Variants in PWP1 observed in about 807,000 individuals in gnomAD.
PWP1 encodes PWP1 homolog, endonuclein, also known as periodic tryptophan protein 1 homolog.
Under a neutral mutation model 69.9 loss-of-function variants are expected in PWP1, and 47 were observed. That is an observed-to-expected ratio of 0.67 (90% CI 0.53 to 0.86). The LOEUF is 0.86. Among genes scored for constraint, PWP1 ranks in the 40% least tolerant of loss-of-function variants. The pLI is 0.00. For synonymous variants in PWP1, 222 were observed against 208.2 expected (o/e 1.07, Z -0.57); for missense variants, 551 against 608.8 (o/e 0.91, Z 1.00).
chr12:107,695,978 A>G lies in PWP1; in HGVS notation c.503-496A>G, dbSNP rs557584405. The stretch of plus-strand genomic sequence containing the variant: ...TTTCTCCTGTGGGGTATGCCACAAG[A>G]TGGCACTGTATTAGACATGCAGAAT... On this transcript the variant is annotated intron_variant, in intron 5 of 14. Transcript: ENST00000412830. Among the ~76,000 whole-genome samples the G allele has an allele frequency of 1.3e-4, 20 of 148,538 alleles. 1 individual carries two copies. The South Asian group carries it at 4.1e-3, about 31-fold the overall frequency.
chr12:107,706,312 A>G (rs988208745), intron 11 of PWP1, among the ~76,000 whole-genome samples: 8 of 152,304 alleles, frequency 5.3e-5, no homozygotes, highest in Non-Finnish European at 1.0e-4. Flanking sequence ...TCAGATGAGT[A>G]GATTGCAAAA....
intron 2 of PWP1, 50 bp downstream of exon 2, chr12:107,688,556 T>C (rs1322410515): frequency 3.1e-6 from 5 of 1,610,072 alleles, no homozygotes; most frequent in Non-Finnish European, 4.2e-6. Flanking sequence ...GATGACCATG[T>C]GGTCTTGTTA....
chr12:107,687,080 A>G (rs1410471746), intron 1 of PWP1, among the ~76,000 whole-genome samples: 1 of 152,074 alleles, frequency 6.6e-6, no homozygotes, highest in Non-Finnish European at 1.5e-5. Context: ...CCAAACAGTA[A>G]AAGGGGTTGA....
Position 107,693,801 on chromosome 12 carries a change from A to AT in PWP1, c.502+714dup, listed in dbSNP as rs200093965. ...ACTTGCCACCTTGGTTTTTTACTCA[A>AT]TTTTTTTTTCTGGCTACTTTTTCTT... On this transcript the variant is annotated intron_variant, in intron 5 of 14. Transcript: ENST00000412830. 1.5e-3 allele frequency among the ~76,000 whole-genome samples: 233 copies of AT among 151,508 alleles called. 1 individual carries two copies. Among genetic ancestry groups the AT allele is most frequent in the Middle Eastern group, 3.4e-3 (1 of 292 alleles).
At chr12:107,705,222 A>G (rs1208826425) in intron 11 of PWP1, among the ~76,000 whole-genome samples, 1 of 152,154 alleles carries the variant, frequency 6.6e-6, no homozygotes, top group East Asian at 1.9e-4. Flanking sequence ...AAGGAGGACA[A>G]TGATTTTCCA....
intron 11 of PWP1, among the ~76,000 whole-genome samples, chr12:107,707,198 G>A (rs1391597023): frequency 6.6e-6 from 1 of 152,120 alleles, no homozygotes; most frequent in Non-Finnish European, 1.5e-5. Context: ...TTGGCTGTTT[G>A]TCTATTATTG....
At position 107,688,653 on chromosome 12, in the gene PWP1, G is replaced by C. The variant is rs534384791; in HGVS notation, c.170G>C (p.Ser57Thr). ...GGCAGTGATGAAGAGGAGACAGGCA[G>C]TCCTTCAGAAGATGGCATGCAGAGT... ...GGGSDEEETG[S>T]PSEDGMQSAR... The change falls in exon 3 of 15, where the codon AGT becomes ACT. Residue 57 changes from serine (S) to threonine (T), a missense_variant. Physicochemically the swap from Ser to Thr is moderately conservative, Grantham distance 58 (BLOSUM62 1). Transcript: ENST00000412830. The C allele has an allele frequency of 6.2e-7, 1 of 1,614,200 alleles. No homozygotes were observed. The highest frequency in any genetic ancestry group is 1.1e-5 in the South Asian group (1 of 91,082).
rs533224161 is a variant in PWP1, at chr12:107,695,127, G to A, written c.503-1347G>A. 2.2e-3 allele frequency among the ~76,000 whole-genome samples: 337 copies of A among 151,500 alleles called. 3 individuals are homozygous for A. The highest frequency in any genetic ancestry group is 9.6e-3 in the South Asian group (46 of 4,798). On this transcript the variant is annotated intron_variant, in intron 5 of 14. Transcript: ENST00000412830. ...AAAAAAAAAAAAAAATCAGCCAGGC[G>A]TGGTGGCGGGCGCCTGTAGTCCCAG...
At chr12:107,688,313 G>T (rs980072831) in intron 1 of PWP1, 135 bp from the exon 2 acceptor site, 1 of 654,390 alleles carries the variant, frequency 1.5e-6, no homozygotes, top group Non-Finnish European at 2.5e-6. Flanking sequence ...TATAGAGTCT[G>T]GATTGATGTT....
chr12:107,703,669 T>C lies in PWP1; in HGVS notation c.904-16T>C, dbSNP rs1395206009. On this transcript the variant is annotated splice_polypyrimidine_tract_variant and intron_variant, in intron 9 of 14. Transcript: ENST00000412830. The stretch of plus-strand genomic sequence containing the variant: ...AAACCAACAGAGATCTCTGCATTTA[T>C]GTTTCCTCCCTTTAGGTCCAAACAC... 1.3e-6 allele frequency: 2 copies of C among 1,587,404 alleles called. No individual in the cohort carries two copies. The highest frequency in any genetic ancestry group is 1.7e-4 in the Middle Eastern group (1 of 6,008).
At chr12:107,695,183 G>A (rs1029671099) in intron 5 of PWP1, among the ~76,000 whole-genome samples, 6 of 151,760 alleles carry the variant, frequency 4.0e-5, no homozygotes, top group East Asian at 1.9e-4. Flanking sequence ...GGAGAATGGC[G>A]TGAACCTGGG....
intron 3 of PWP1, among the ~76,000 whole-genome samples, chr12:107,691,480 G>A (rs1483024357): frequency 6.6e-6 from 1 of 152,220 alleles, no homozygotes; most frequent in African/African-American, 2.4e-5. Flanking sequence ...TGGAGAACAG[G>A]TTGGCAGATA....
chr12:107,694,490 C>T (rs911452027), intron 5 of PWP1, among the ~76,000 whole-genome samples: 30 of 152,270 alleles, frequency 2.0e-4, no homozygotes, highest in African/African-American at 6.5e-4. Flanking sequence ...TAAGGCTGTC[C>T]GTGGGAAGCC....
At chr12:107,686,095 C>G (rs1593138790) in intron 1 of PWP1, 124 bp downstream of exon 1, 1 of 1,015,834 alleles carries the variant, frequency 9.8e-7, no homozygotes. Flanking sequence ...GGGGTGAGGG[C>G]GGCTTTGCCC....
At chr12:107,688,375 A>C (rs1254649858) in intron 1 of PWP1, 73 bp from the exon 2 acceptor site, 8 of 1,402,204 alleles carry the variant, frequency 5.7e-6, no homozygotes, top group Admixed American at 2.4e-5. Flanking sequence ...ATTTGTTTGC[A>C]AACTACTTTT....
At position 107,712,132 on chromosome 12, in the gene PWP1, G is replaced by A. The variant is rs368748715; in HGVS notation, c.1418G>A (p.Arg473Gln). 9.9e-6 allele frequency: 16 copies of A among 1,613,908 alleles called. No homozygotes were observed. Among genetic ancestry groups the A allele is most frequent in the Middle Eastern group, 3.3e-4 (2 of 6,060 alleles). Residue 473 changes from arginine (R) to glutamine (Q), a missense_variant, in exon 15 of 15, where the codon CGA becomes CAA. By Grantham distance (43) the Arg-to-Gln change is conservative. Coordinates refer to ENST00000412830, the MANE Select transcript of PWP1 (RefSeq NM_007062.3). ...VSSVNEAFGR[R>Q]ERLVLGSARN... The stretch of plus-strand genomic sequence containing the variant: ...TTAGTAAATGAAGCATTTGGAAGAC[G>A]AGAGAGGCTTGTTCTTGGGAGTGCA...
rs529513080 is a variant in PWP1 at position 107,695,323 on chromosome 12, TG to T, written c.503-1149del. Among the ~76,000 whole-genome samples, 8 of 152,104 alleles carry T rather than the reference TG, an allele frequency of 5.3e-5. No homozygotes were observed. The South Asian group carries it at 1.5e-3, about 28-fold the overall frequency. On this transcript the variant is annotated intron_variant, in intron 5 of 14. Transcript: ENST00000412830. ...AAATGTAAGCTGAGTATATCGAACA[TG>T]GTTGAGGTTTTTGTAGAACCACAGT...
chr12:107,702,163 T>C (rs568964355), intron 8 of PWP1, among the ~76,000 whole-genome samples: 4 of 152,348 alleles, frequency 2.6e-5, no homozygotes, highest in Non-Finnish European at 4.4e-5. Flanking sequence ...CCAGGAAATA[T>C]GAACTTGCCA....
chr12:107,700,904 C>T (rs1240530540), intron 8 of PWP1, among the ~76,000 whole-genome samples: 4 of 151,926 alleles, frequency 2.6e-5, no homozygotes, highest in African/African-American at 9.7e-5. Flanking sequence ...ATTTCCCCCC[C>T]TTTTTTTAAG....
Sources: gnomAD v4.1 joint callset for allele counts (sites outside exome capture counted in the v4.1 genomes callset) on GRCh38, gnomAD v4.1.1 for gene constraint, MANE v1.5 for transcripts, NCBI Gene and HGNC (gene_info 2026-07-23, HGNC 2026-07-21) for gene names.